REDIC1: variants seen among roughly 807,000 people sequenced by gnomAD.
The protein encoded by REDIC1 is HEI10 Interacting Protein 1.
the REDIC1 span, among the ~76,000 whole-genome samples, chr12:39,716,307 C>G: frequency 3.3e-5 from 5 of 151,964 alleles, no homozygotes; most frequent in African/African-American, 1.2e-4. Context: ...ATGTATCAAA[C>G]TGGATGCTTT....
the REDIC1 span, among the ~76,000 whole-genome samples, chr12:39,730,005 T>C: frequency 6.6e-6 from 1 of 152,228 alleles, no homozygotes; most frequent in Admixed American, 6.5e-5. Context: ...GCTTTCTATT[T>C]GCTTGGTAAA....
chr12:39,894,822 AAG>A, the REDIC1 span, among the ~76,000 whole-genome samples: 1 of 152,184 alleles, frequency 6.6e-6, no homozygotes, highest in African/African-American at 2.4e-5. Context: ...AAGAAAGATA[AAG>A]AGAGGGAAAG....
the REDIC1 span, among the ~76,000 whole-genome samples, chr12:39,627,796 C>A: frequency 5.9e-5 from 9 of 151,948 alleles, no homozygotes; most frequent in Non-Finnish European, 1.2e-4. Context: ...TTGGAAATGG[C>A]AGAATTGCAA....
chr12:39,853,542 T>C, the REDIC1 span, among the ~76,000 whole-genome samples: 1 of 151,764 alleles, frequency 6.6e-6, no homozygotes, highest in African/African-American at 2.4e-5. Context: ...CTCCTTTCTT[T>C]TCTTTTCTTT....
At chr12:39,695,274 G>C in the REDIC1 span, among the ~76,000 whole-genome samples, 3 of 152,162 alleles carry the variant, frequency 2.0e-5, no homozygotes, top group East Asian at 5.8e-4. Context: ...ACAGTCATGG[G>C]GGTAGAATAC....
chr12:39,750,598 T>C, the REDIC1 span, among the ~76,000 whole-genome samples: 5 of 152,114 alleles, frequency 3.3e-5, no homozygotes, highest in African/African-American at 7.2e-5. Context: ...GAGCCCGCAT[T>C]GCCAAGTCGA....
chr12:39,770,383 T>C, the REDIC1 span, among the ~76,000 whole-genome samples: 1 of 152,172 alleles, frequency 6.6e-6, no homozygotes, highest in African/African-American at 2.4e-5. Flanking sequence ...GAAGGCAGCA[T>C]GGGGCTGCTC....
chr12:39,838,883 T>G, the REDIC1 span, among the ~76,000 whole-genome samples: 1 of 152,110 alleles, frequency 6.6e-6, no homozygotes, highest in Non-Finnish European at 1.5e-5. Flanking sequence ...CTCAATGAGA[T>G]GGAGCACTAA....
At chr12:39,794,566 G>A in the REDIC1 span, among the ~76,000 whole-genome samples, 1 of 152,112 alleles carries the variant, frequency 6.6e-6, no homozygotes. Flanking sequence ...ACAGACAACT[G>A]TTCAAAGAAG....
At chr12:39,642,401 C>A in the REDIC1 span, among the ~76,000 whole-genome samples, 1 of 151,592 alleles carries the variant, frequency 6.6e-6, no homozygotes, top group African/African-American at 2.4e-5. Context: ...GAACTCATTT[C>A]CAAAGAAGTC....
chr12:39,712,125 C>CGTACAT, the REDIC1 span, among the ~76,000 whole-genome samples: 1 of 126,448 alleles, frequency 7.9e-6, no homozygotes, highest in African/African-American at 2.9e-5. Flanking sequence ...TGTATATATA[C>CGTACAT]CTGTATGTAC....
chr12:39,706,316 A>G, the REDIC1 span, among the ~76,000 whole-genome samples: 2 of 152,084 alleles, frequency 1.3e-5, no homozygotes, highest in South Asian at 2.1e-4. Context: ...AGAGGACACC[A>G]AAACATGGAA....
the REDIC1 span, among the ~76,000 whole-genome samples, chr12:39,634,688 A>G: frequency 2.0e-5 from 3 of 152,174 alleles, no homozygotes; most frequent in Non-Finnish European, 2.9e-5. Context: ...AAAACTCTAG[A>G]AGAACCTAGG....
At chr12:39,712,127 T>C in the REDIC1 span, among the ~76,000 whole-genome samples, 5 of 141,120 alleles carry the variant, frequency 3.5e-5, no homozygotes. Flanking sequence ...TATATATACC[T>C]GTATGTACAT....
chr12:39,735,721 A>G, the REDIC1 span, among the ~76,000 whole-genome samples: 12 of 152,264 alleles, frequency 7.9e-5, no homozygotes, highest in African/African-American at 2.7e-4. Context: ...TTGAGGTAGT[A>G]TTTCATACAG....
chr12:39,716,481 T>C, the REDIC1 span, among the ~76,000 whole-genome samples: 2 of 151,972 alleles, frequency 1.3e-5, no homozygotes, highest in Non-Finnish European at 2.9e-5. Context: ...GTTGGAAAAA[T>C]CAATCCAACT....
chr12:39,752,213 C>T, the REDIC1 span, among the ~76,000 whole-genome samples: 2 of 152,128 alleles, frequency 1.3e-5, no homozygotes, highest in African/African-American at 4.8e-5. Flanking sequence ...TATTAGGAAC[C>T]AAGCCACACA....
chr12:39,881,653 T>A, the REDIC1 span, among the ~76,000 whole-genome samples: 451 of 152,312 alleles, frequency 3.0e-3, 2 homozygotes, highest in Non-Finnish European at 4.8e-3. Context: ...ATACTCTTTT[T>A]CTGTGCCCTG....
At chr12:39,891,484 C>G in the REDIC1 span, among the ~76,000 whole-genome samples, 2 of 152,012 alleles carry the variant, frequency 1.3e-5, no homozygotes, top group Non-Finnish European at 2.9e-5. Flanking sequence ...CTTAAGAAAG[C>G]ATATGAAAAT....
Sources: gnomAD v4.1 joint callset for allele counts (sites outside exome capture counted in the v4.1 genomes callset) on GRCh38, gnomAD v4.1.1 for gene constraint, MANE v1.5 for transcripts, NCBI Gene and HGNC (gene_info 2026-07-23, HGNC 2026-07-21) for gene names.